SNX32: variants seen among roughly 807,000 people sequenced by gnomAD.
The protein encoded by SNX32 is sorting nexin-32.
A neutral mutation model predicts 57.0 loss-of-function variants in SNX32; 58 were observed. That is an observed-to-expected ratio of 1.02 (90% CI 0.82 to 1.27). The LOEUF (loss-of-function observed/expected upper bound fraction) is 1.27, where lower values mean the gene tolerates loss of function less well. SNX32 is among the 50% of genes most tolerant of loss of function. The pLI is 0.00. For synonymous variants in SNX32, 262 were observed against 220.4 expected, an observed-to-expected ratio of 1.19 and a Z score of -1.67; for missense variants, 589 against 541.2, an observed-to-expected ratio of 1.09 and a Z score of -0.88.
chr11:65,850,463 C>T lies in SNX32; in HGVS notation c.407C>T (p.Ala136Val), dbSNP rs758957185. 16 of 1,614,098 alleles carry T rather than the reference C, an allele frequency of 9.9e-6. No homozygotes were observed. Among genetic ancestry groups the T allele is most frequent in the African/African-American group, 2.7e-5 (2 of 74,944 alleles). Residue 136 changes from alanine to valine, a missense_variant, in exon 5 of 13, where the codon GCG becomes GTG. Coordinates refer to ENST00000308342, the MANE Select transcript of SNX32 (RefSeq NM_152760.3). Reference sequence around the variant, plus strand: ...CTGGCCATCTTTAAGAAGACAGTTGCGATGCACGAAGTCTTTCTGCAGCGC... The same window carrying T: ...CTGGCCATCTTTAAGAAGACAGTTGTGATGCACGAAGTCTTTCTGCAGCGC... ...EYLAIFKKTV[A>V]MHEVFLQRLA...
chr11:65,850,595 A>G, intron 5 of SNX32, 41 bp downstream of exon 5: 1 of 1,574,742 alleles, frequency 6.4e-7, no homozygotes, highest in Non-Finnish European at 8.6e-7. Flanking sequence ...TTGGGCCAGG[A>G]GTCTACCTTG....
At chr11:65,841,657 C>A (rs940219539) in intron 1 of SNX32, among the ~76,000 whole-genome samples, 2 of 151,874 alleles carry the variant, frequency 1.3e-5, no homozygotes, top group Admixed American at 6.6e-5. Context: ...TCGCTTGAAC[C>A]CAGGAGGCAG....
intron 1 of SNX32, among the ~76,000 whole-genome samples, chr11:65,834,365 GTC>G (rs1858593395): frequency 6.6e-6 from 1 of 151,068 alleles, no homozygotes; most frequent in African/African-American, 2.4e-5. Flanking sequence ...GTCTGTGTGT[GTC>G]TCAGTGTGTG....
chr11:65,845,818 A>T (rs1858976957), intron 1 of SNX32, among the ~76,000 whole-genome samples: 3 of 152,368 alleles, frequency 2.0e-5, no homozygotes, highest in Admixed American at 2.0e-4. Flanking sequence ...ATGACCATCA[A>T]CAGTAGATAC....
intron 1 of SNX32, among the ~76,000 whole-genome samples, chr11:65,839,223 G>GTTTTTTGTTT (rs755185237): frequency 4.3e-5 from 1 of 23,078 alleles, no homozygotes. Flanking sequence ...TAATTTTTTT[G>GTTTTTTGTTT]TATTTTTTTT....
At chr11:65,846,383 A>G (rs1265267750) in intron 1 of SNX32, among the ~76,000 whole-genome samples, 1 of 151,754 alleles carries the variant, frequency 6.6e-6, no homozygotes, top group Admixed American at 6.6e-5. Flanking sequence ...CAGCTTCAAC[A>G]AGGAGAAACC....
At chr11:65,850,986 C>T (rs929686503) in intron 6 of SNX32, 69 bp from the exon 7 acceptor site, 12 of 1,527,924 alleles carry the variant, frequency 7.9e-6, no homozygotes, top group South Asian at 1.1e-5. Flanking sequence ...ATTTTGCCAA[C>T]CCTGGGTGCC....
intron 1 of SNX32, among the ~76,000 whole-genome samples, chr11:65,835,325 T>A (rs886277774): frequency 1.3e-5 from 1 of 75,962 alleles, no homozygotes; most frequent in African/African-American, 5.5e-5. Flanking sequence ...TTGATGGGGG[T>A]AGGTGGGTAG....
chr11:65,853,320 A>G lies in SNX32; in HGVS notation c.1197A>G (p.Leu399=). ...TLILRNTLVA[L]KGEP ...TTCTCCGGAACACCCTTGTTGCCCT[A>G]AAGGGGGAGCCTTAGAGTAGCCAGA... is the stretch of plus-strand genomic sequence containing the variant. The change falls in exon 13 of 13, where the codon CTA becomes CTG. Residue 399 remains leucine, a synonymous_variant. Coordinates refer to ENST00000308342, the MANE Select transcript of SNX32 (RefSeq NM_152760.3). The G allele has an allele frequency of 1.2e-6, 2 of 1,614,092 alleles. No homozygotes were observed. Among genetic ancestry groups the G allele is most frequent in the Non-Finnish European group, 1.7e-6 (2 of 1,180,000 alleles).
intron 1 of SNX32, among the ~76,000 whole-genome samples, chr11:65,843,652 A>C (rs1188347293): frequency 6.6e-6 from 1 of 152,206 alleles, no homozygotes; most frequent in Non-Finnish European, 1.5e-5. Context: ...AAATAAATAG[A>C]ATATCTTCAT....
intron 1 of SNX32, among the ~76,000 whole-genome samples, chr11:65,838,088 G>A (rs553892528): frequency 2.0e-5 from 3 of 152,044 alleles, no homozygotes; most frequent in East Asian, 1.9e-4. Context: ...CCTGGGAGGC[G>A]GAGGTTGCAG....
chr11:65,848,276 A>G (rs1418982912), intron 1 of SNX32, among the ~76,000 whole-genome samples: 1 of 152,154 alleles, frequency 6.6e-6, no homozygotes, highest in Non-Finnish European at 1.5e-5. Context: ...ATCACTTGGC[A>G]CTATGGTGTG....
intron 1 of SNX32, among the ~76,000 whole-genome samples, chr11:65,842,120 C>T (rs558771642): frequency 4.6e-5 from 7 of 152,192 alleles, no homozygotes; most frequent in African/African-American, 1.4e-4. Flanking sequence ...GATTTCAAGT[C>T]GCACCTGTCA....
intron 1 of SNX32, among the ~76,000 whole-genome samples, chr11:65,847,124 C>G (rs760240924): frequency 6.6e-5 from 10 of 151,888 alleles, no homozygotes; most frequent in Admixed American, 2.0e-4. Flanking sequence ...CCACCTCAGC[C>G]CCCCCCAAGT....
Position 65,851,046 on chromosome 11 carries a change from C to T in SNX32, c.604-9C>T, listed in dbSNP as rs376077543. 2 of 1,610,978 alleles carry T rather than the reference C, an allele frequency of 1.2e-6. No individual in the cohort carries two copies. Among genetic ancestry groups the T allele is most frequent in the Admixed American group, 1.7e-5 (1 of 60,012 alleles). ...CCAGTGTAAATGGGGTCCTGCCTGGCTCCCTTAGGAGGTGGATGACTTCTT... is the reference window on the plus strand; with the variant it reads ...CCAGTGTAAATGGGGTCCTGCCTGGTTCCCTTAGGAGGTGGATGACTTCTT... On this transcript the variant is annotated splice_polypyrimidine_tract_variant and intron_variant, in intron 6 of 12. Transcript: ENST00000308342.
chr11:65,849,386 G>C (rs1010587155), intron 1 of SNX32, 92 bp from the exon 2 acceptor site: 1 of 925,464 alleles, frequency 1.1e-6, no homozygotes, highest in Non-Finnish European at 1.7e-6. Flanking sequence ...TGCTGCTGAA[G>C]AGGGTTCTGC....
rs756133012 is a variant in SNX32, at chr11:65,849,545, G to C, written c.104G>C (p.Ser35Thr). The change falls in exon 2 of 13, where the codon AGT becomes ACT. Residue 35 changes from serine (S) to threonine (T), a missense_variant. Ser to Thr is a moderately conservative substitution (Grantham distance 58, BLOSUM62 1). Coordinates refer to ENST00000308342, the MANE Select transcript of SNX32 (RefSeq NM_152760.3). The stretch of plus-strand genomic sequence containing the variant: ...CAGGTGGAGATTTCTGACGCAGTGA[G>C]TGAGCGGGACAAGGTGAAATTCACT... ...SLQVEISDAV[S>T]ERDKVKFTVQ... 3.1e-6 allele frequency: 5 copies of C among 1,614,234 alleles called. No homozygotes were observed. The East Asian group carries it at 1.1e-4, about 36-fold the overall frequency.
chr11:65,839,878 G>A (rs1053628416), intron 1 of SNX32, among the ~76,000 whole-genome samples: 1 of 151,998 alleles, frequency 6.6e-6, no homozygotes, highest in African/African-American at 2.4e-5. Context: ...GATAACAAAG[G>A]CCGGGCGCGG....
At chr11:65,845,135 T>TAAA (rs766803127) in intron 1 of SNX32, among the ~76,000 whole-genome samples, 56 of 101,950 alleles carry the variant, frequency 5.5e-4, no homozygotes, top group African/African-American at 1.4e-3. Flanking sequence ...CCCCCTGCTT[T>TAAA]AAAAAAAAAA....
Sources: gnomAD v4.1 joint callset for allele counts (sites outside exome capture counted in the v4.1 genomes callset) on GRCh38, gnomAD v4.1.1 for gene constraint, MANE v1.5 for transcripts, NCBI Gene and HGNC (gene_info 2026-07-23, HGNC 2026-07-21) for gene names.